PIWIL1: variants seen among roughly 807,000 people sequenced by gnomAD.
The protein encoded by PIWIL1 is piwi like RNA-mediated gene silencing 1.
PIWIL1 carries 73 observed loss-of-function variants against 114.4 expected under a neutral mutation model. The ratio of observed to expected loss-of-function variants is 0.64; its 90% CI spans 0.53 to 0.78. The LOEUF (loss-of-function observed/expected upper bound fraction) is 0.78. PIWIL1 is among the 30% of genes least tolerant of loss of function. PIWIL1 has a pLI of 0.00. For missense variants in PIWIL1, 723 were observed against 1,063.1 expected (o/e 0.68, Z 4.45); for synonymous variants, 375 against 369.0 (o/e 1.02, Z -0.19).
intron 11 of PIWIL1, 147 bp from the exon 12 acceptor site, chr12:130,355,406 G>C: frequency 1.5e-6 from 1 of 685,754 alleles, no homozygotes; most frequent in South Asian, 1.7e-5. Context: ...AGATGATTGT[G>C]CTCCTGTGCC....
At chr12:130,407,531 T>TC in the PIWIL1 span, among the ~76,000 whole-genome samples, 2 of 152,188 alleles carry the variant, frequency 1.3e-5, no homozygotes, top group Admixed American at 1.3e-4. Flanking sequence ...GCTGGCCATG[T>TC]CCCTGGGAAT....
chr12:130,425,252 C>A, the PIWIL1 span: 1 of 169,420 alleles, frequency 5.9e-6, no homozygotes, highest in African/African-American at 2.4e-5. Flanking sequence ...TCCTCAGAAA[C>A]CCTGAGGGCA....
intron 19 of PIWIL1, among the ~76,000 whole-genome samples, chr12:130,367,881 T>C (rs1431679292): frequency 2.0e-5 from 3 of 152,182 alleles, no homozygotes; most frequent in African/African-American, 7.2e-5. Flanking sequence ...CGCTGTAACC[T>C]CTGCCTCCTG....
chr12:130,419,103 C>T, the PIWIL1 span, among the ~76,000 whole-genome samples: 12 of 152,184 alleles, frequency 7.9e-5, no homozygotes, highest in Non-Finnish European at 1.6e-4. The surrounding 1 kb of genome is among the most constrained non-coding windows in gnomAD (Gnocchi z 4.3). Context: ...CACCAAACCT[C>T]GACAGGGAAA....
the PIWIL1 span, among the ~76,000 whole-genome samples, chr12:130,412,124 C>T: frequency 5.3e-5 from 8 of 152,180 alleles, no homozygotes; most frequent in African/African-American, 1.9e-4. Flanking sequence ...GCTGCATTCT[C>T]ACTGGTGCTT....
chr12:130,400,948 C>T, the PIWIL1 span, among the ~76,000 whole-genome samples: 1 of 152,032 alleles, frequency 6.6e-6, no homozygotes, highest in Non-Finnish European at 1.5e-5. Flanking sequence ...TATGAAGAAA[C>T]GAATACTCGT....
chr12:130,399,876 G>C, the PIWIL1 span: 2 of 1,574,684 alleles, frequency 1.3e-6, no homozygotes, highest in South Asian at 2.2e-5. Context: ...ATCTTGCTTT[G>C]GCTAAAGGAA....
At chr12:130,347,531 G>GA (rs1490810617) in intron 6 of PIWIL1, among the ~76,000 whole-genome samples, 1 of 152,176 alleles carries the variant, frequency 6.6e-6, no homozygotes, top group Non-Finnish European at 1.5e-5. Flanking sequence ...AAACAATCTG[G>GA]ATAAGGCTGA....
At chr12:130,405,060 A>G in the PIWIL1 span, among the ~76,000 whole-genome samples, 10 of 152,326 alleles carry the variant, frequency 6.6e-5, no homozygotes, top group South Asian at 2.1e-3. Context: ...GTGGAAAGTG[A>G]AACTATAAAA....
downstream of PIWIL1, among the ~76,000 whole-genome samples, chr12:130,377,502 G>C (rs2073876910): frequency 6.6e-6 from 1 of 152,236 alleles, no homozygotes. Context: ...ACACCAGGCA[G>C]AGAGGTGGGG....
At position 130,358,944 on chromosome 12, in the gene PIWIL1, T is replaced by G. The variant is rs564988387; in HGVS notation, c.1665+1391T>G. Among the ~76,000 whole-genome samples, 3 of 152,320 alleles carry G rather than the reference T, an allele frequency of 2.0e-5. 1 individual carries two copies. The East Asian group carries it at 5.8e-4, about 29-fold the overall frequency. On this transcript the variant is annotated intron_variant, in intron 14 of 20. Transcript: ENST00000245255. ...TTTAGGCGTGGTCAGGCTGCCATCC[T>G]GCTCATCCTCTCTCTCATGCACACA... is the stretch of plus-strand genomic sequence containing the variant.
the PIWIL1 span, among the ~76,000 whole-genome samples, chr12:130,416,972 G>A: frequency 1.3e-5 from 2 of 151,946 alleles, no homozygotes; most frequent in Non-Finnish European, 2.9e-5. Flanking sequence ...TTTAAAAAAT[G>A]TATAAAAATA....
intron 14 of PIWIL1, among the ~76,000 whole-genome samples, 198 bp from the exon 15 acceptor site, chr12:130,360,982 C>A (rs568921504): frequency 1.3e-5 from 2 of 152,268 alleles, no homozygotes; most frequent in East Asian, 3.9e-4. Flanking sequence ...CCTTCACGTG[C>A]AATTATCATT....
At chr12:130,350,033 T>G (rs2073172730) in intron 9 of PIWIL1, 66 bp downstream of exon 9, 1 of 871,410 alleles carries the variant, frequency 1.1e-6, no homozygotes, top group African/African-American at 1.7e-5. Context: ...CTCTAACACT[T>G]GTTGCACATT....
chr12:130,357,591 AAG>A (rs779219504), intron 14 of PIWIL1, 38 bp downstream of exon 14: 2 of 1,402,358 alleles, frequency 1.4e-6, no homozygotes, highest in South Asian at 1.2e-5. Context: ...TTTTCGGTGA[AAG>A]AGCTTTTTCA....
At chr12:130,380,885 A>G in the PIWIL1 span, among the ~76,000 whole-genome samples, 2 of 152,222 alleles carry the variant, frequency 1.3e-5, no homozygotes, top group Non-Finnish European at 2.9e-5. Flanking sequence ...AACAAAGCCA[A>G]ACAAAGTAGG....
At chr12:130,397,607 T>G in the PIWIL1 span, 2 of 398,464 alleles carry the variant, frequency 5.0e-6, no homozygotes, top group African/African-American at 4.1e-5. Flanking sequence ...CAGAATTCAC[T>G]TGGTAACATC....
chr12:130,401,988 G>GC, the PIWIL1 span, among the ~76,000 whole-genome samples: 2 of 152,192 alleles, frequency 1.3e-5, no homozygotes, highest in African/African-American at 4.8e-5. Context: ...CTCCAGGCCA[G>GC]CCCCTGCTCT....
chr12:130,405,133 G>T, the PIWIL1 span, among the ~76,000 whole-genome samples: 2 of 151,914 alleles, frequency 1.3e-5, no homozygotes, highest in South Asian at 4.1e-4. Context: ...TGACCCCCAA[G>T]GCAGAAACAT....
Sources: gnomAD v4.1 joint callset for allele counts (sites outside exome capture counted in the v4.1 genomes callset) on GRCh38, gnomAD v4.1.1 for gene constraint, Gnocchi (gnomAD v3.1) non-coding constraint, MANE v1.5 for transcripts, NCBI Gene and HGNC (gene_info 2026-07-23, HGNC 2026-07-21) for gene names.